ZNF317: variants seen among roughly 807,000 people sequenced by gnomAD.
ZNF317 encodes zinc finger protein 317.
Under a neutral mutation model 23.4 loss-of-function variants are expected in ZNF317, and 17 were observed. The ratio of observed to expected loss-of-function variants is 0.73; its 90% CI spans 0.50 to 1.09. ZNF317 has a LOEUF of 1.09. Ranked by LOEUF, ZNF317 falls within the 50% of genes least tolerant of loss-of-function variation. The pLI, the probability that ZNF317 is intolerant of heterozygous loss-of-function variation, is 0.00. For synonymous variants in ZNF317, 317 were observed against 314.9 expected, an observed-to-expected ratio of 1.01 and a Z score of -0.07; for missense variants, 679 against 796.7, an observed-to-expected ratio of 0.85 and a Z score of 1.78.
chr19:9,147,898 G>A (rs920400725), intron 1 of ZNF317, among the ~76,000 whole-genome samples: 1 of 152,252 alleles, frequency 6.6e-6, no homozygotes, highest in Middle Eastern at 3.4e-3. Context: ...CCTGGTGGGG[G>A]GCGATTGGAT....
Position 9,160,290 on chromosome 19 carries a change from G to GCAC in ZNF317, c.645_646insCAC (p.Met215_Tyr216insHis), listed in dbSNP as rs1386067942. 1 of 1,614,222 alleles carries GCAC rather than the reference G, an allele frequency of 6.2e-7. No homozygotes were observed. Among genetic ancestry groups the GCAC allele is most frequent in the Non-Finnish European group, 8.5e-7 (1 of 1,180,042 alleles). ...CGCACCTCACTCAGCACATGAGCAT[G>GCAC]TACGACGGGAGAAAAATGCATGAAT... On this transcript the variant is annotated inframe_insertion, in exon 7 of 7. Transcript: ENST00000247956. This position sits in a 1 kb window ranked among gnomAD's most constrained non-coding sequence, Gnocchi z 6.8.
Position 9,157,983 on chromosome 19 carries a change from A to G in ZNF317, c.293A>G (p.Tyr98Cys), listed in dbSNP as rs1284832413. Reference sequence around the variant, plus strand: ...TGTGTCTTTCCCGTGAGTGTAGGGTATCAGGTCGGCAAACCCAGCCTCATC... The same window carrying G: ...TGTGTCTTTCCCGTGAGTGTAGGGTGTCAGGTCGGCAAACCCAGCCTCATC... ...ENYSNLTSLGYQVGKPSLISH... is the reference protein window; with the variant it reads ...ENYSNLTSLGCQVGKPSLISH... Residue 98 changes from tyrosine to cysteine, a missense_variant, in exon 5 of 7, where the codon TAT becomes TGT. Coordinates refer to ENST00000247956, the MANE Select transcript of ZNF317 (RefSeq NM_020933.5). The G allele has an allele frequency of 1.3e-6, 2 of 1,551,268 alleles. No individual in the cohort carries two copies. Among genetic ancestry groups the G allele is most frequent in the East Asian group, 2.4e-5 (1 of 40,898 alleles).
At chr19:9,145,149 A>G (rs555477135) in intron 1 of ZNF317, among the ~76,000 whole-genome samples, 101 of 152,090 alleles carry the variant, frequency 6.6e-4, no homozygotes, top group African/African-American at 2.3e-3. Flanking sequence ...GGTTCCAGCA[A>G]TTCTCCTGCC....
intron 4 of ZNF317, 21 bp from the exon 5 acceptor site, chr19:9,157,959 G>C (rs1035449620): frequency 3.9e-6 from 6 of 1,550,270 alleles, no homozygotes; most frequent in Non-Finnish European, 5.2e-6. Context: ...CCCTCAACCT[G>C]TGTCTTTCCC....
intron 3 of ZNF317, 35 bp downstream of exon 3, chr19:9,156,783 A>G (rs769187226): frequency 4.4e-6 from 7 of 1,603,156 alleles, no homozygotes; most frequent in East Asian, 4.5e-5. Flanking sequence ...AGAGCAGGAG[A>G]GGCACTTCCT....
chr19:9,144,145 G>A (rs1262231667), intron 1 of ZNF317, among the ~76,000 whole-genome samples: 1 of 151,958 alleles, frequency 6.6e-6, no homozygotes. Flanking sequence ...TGGAAGTACA[G>A]GCGCATGGCA....
chr19:9,145,920 G>T (rs2050678659), intron 1 of ZNF317, among the ~76,000 whole-genome samples: 1 of 152,080 alleles, frequency 6.6e-6, no homozygotes, highest in African/African-American at 2.4e-5. Context: ...TATGATCTGG[G>T]TGTCAGAGTT....
At chr19:9,153,143 G>GTTTTTTTT (rs557129618) in intron 1 of ZNF317, among the ~76,000 whole-genome samples, 3 of 139,186 alleles carry the variant, frequency 2.2e-5, no homozygotes, top group African/African-American at 7.9e-5. Flanking sequence ...TGTCAAGGTA[G>GTTTTTTTT]TTGTTTTTGT....
chr19:9,158,882 A>G lies in ZNF317; in HGVS notation c.442A>G (p.Lys148Glu). The G allele has an allele frequency of 6.2e-7, 1 of 1,612,566 alleles. No individual in the cohort carries two copies. Among genetic ancestry groups the G allele is most frequent in the East Asian group, 2.2e-5 (1 of 44,854 alleles). ...ACTTCTTATGGAAGATATTTTTGGG[A>G]AGGAAACGCCCAGTGGTGTGACGAT... ...WSLLMEDIFG[K>E]ETPSGVTMER... is the part of the protein sequence containing the mutation. The change falls in exon 6 of 7, where the codon AAG becomes GAG. Residue 148 changes from lysine to glutamate, a missense_variant. By Grantham distance (56) the Lys-to-Glu change is moderately conservative (BLOSUM62 1). Coordinates refer to ENST00000247956, the MANE Select transcript of ZNF317 (RefSeq NM_020933.5).
intron 6 of ZNF317, among the ~76,000 whole-genome samples, chr19:9,159,428 T>C (rs1450452805): frequency 2.8e-5 from 3 of 106,594 alleles, no homozygotes; most frequent in Non-Finnish European, 3.6e-5. Context: ...AGGCTGGTCT[T>C]GAACTCCTGG....
At position 9,163,046 on chromosome 19, in the gene ZNF317, C is replaced by G. The variant is rs1798227776; in HGVS notation, c.*1613C>G. ...TGTGCTAATCTAAATTTTAAAAAAT[C>G]TCTTACAGGTTTTCTTGCAGCTGGT... On this transcript the variant is annotated 3_prime_UTR_variant, in exon 7 of 7. Coordinates refer to ENST00000247956, the MANE Select transcript of ZNF317 (RefSeq NM_020933.5). 6.6e-6 allele frequency: 1 copy of G among 152,196 alleles called. No homozygotes were observed. Among genetic ancestry groups the G allele is most frequent in the East Asian group, 1.9e-4 (1 of 5,196 alleles). 9.4% of individuals were successfully genotyped at this position (152,196 alleles called of 1,614,324 possible). A position where few individuals can be genotyped will look rare whatever the true frequency, so the allele number is the denominator to read the frequency against.
In ZNF317 at chr19:9,156,049, C is replaced by A. The variant is rs747469838; in HGVS notation, c.25+8C>A. 118 of 1,614,012 alleles carry A rather than the reference C, an allele frequency of 7.3e-5. No individual in the cohort carries two copies. Among genetic ancestry groups the A allele is most frequent in the Non-Finnish European group, 9.5e-5 (112 of 1,180,020 alleles). On this transcript the variant is annotated splice_region_variant and intron_variant, in intron 2 of 6. Coordinates refer to ENST00000247956, the MANE Select transcript of ZNF317 (RefSeq NM_020933.5). ...CTCTGTCCCCCACATTTGGTAAGTT[C>A]TTGGGTCAGTGCGTGCCCTGAGAAA...
Position 9,161,489 on chromosome 19 carries a change from G to GT in ZNF317, c.*57dup. 1 of 1,549,662 alleles carries GT rather than the reference G, an allele frequency of 6.5e-7. No individual in the cohort carries two copies. Among genetic ancestry groups the GT allele is most frequent in the Non-Finnish European group, 8.7e-7 (1 of 1,146,234 alleles). On this transcript the variant is annotated 3_prime_UTR_variant, in exon 7 of 7. Coordinates refer to ENST00000247956, the MANE Select transcript of ZNF317 (RefSeq NM_020933.5). This position sits in a 1 kb window ranked among gnomAD's most constrained non-coding sequence, Gnocchi z 4.0. ...CAGACCGGAAACAGACCTCGTGGGT[G>GT]TAAGAGGAAGCCTCTGTGAGCTCGC...
intron 1 of ZNF317, among the ~76,000 whole-genome samples, chr19:9,145,208 C>G (rs894694550): frequency 6.6e-6 from 1 of 152,178 alleles, no homozygotes; most frequent in Non-Finnish European, 1.5e-5. Flanking sequence ...TGACACCCAG[C>G]TAATTTTTGT....
chr19:9,143,923 CT>C (rs375892513), intron 1 of ZNF317, among the ~76,000 whole-genome samples: 1,613 of 123,950 alleles, frequency 0.013, 15 homozygotes, highest in Middle Eastern at 0.026. Flanking sequence ...AACCAGCTTT[CT>C]TTTTTTTTTT....
chr19:9,155,781 C>A, intron 1 of ZNF317, 144 bp from the exon 2 acceptor site: 1 of 586,406 alleles, frequency 1.7e-6, no homozygotes, highest in South Asian at 1.9e-5. Context: ...AGAGAGTTTA[C>A]CTAAGTAAGA....
At chr19:9,149,200 G>C (rs191910274) in intron 1 of ZNF317, among the ~76,000 whole-genome samples, 3 of 152,244 alleles carry the variant, frequency 2.0e-5, no homozygotes, top group Admixed American at 6.5e-5. Flanking sequence ...TGGAGAATTG[G>C]GATTGAAAGA....
chr19:9,146,508 A>ACCT (rs1188678334), intron 1 of ZNF317, among the ~76,000 whole-genome samples: 1 of 150,794 alleles, frequency 6.6e-6, no homozygotes, highest in Non-Finnish European at 1.5e-5. Context: ...GCTTACTGCA[A>ACCT]CCTCCGCCTC....
At chr19:9,146,135 G>T (rs2050680923) in intron 1 of ZNF317, among the ~76,000 whole-genome samples, 1 of 151,050 alleles carries the variant, frequency 6.6e-6, no homozygotes, top group Non-Finnish European at 1.5e-5. Flanking sequence ...TTAATTTCTT[G>T]CCAGCACATG....
Sources: gnomAD v4.1 joint callset for allele counts (sites outside exome capture counted in the v4.1 genomes callset) on GRCh38, gnomAD v4.1.1 for gene constraint, Gnocchi (gnomAD v3.1) non-coding constraint, MANE v1.5 for transcripts, NCBI Gene and HGNC (gene_info 2026-07-23, HGNC 2026-07-21) for gene names.